THSD4: variants seen among roughly 807,000 people sequenced by gnomAD.
THSD4 encodes thrombospondin type 1 domain containing 4.
THSD4 carries 69 observed loss-of-function variants against 119.0 expected under a neutral mutation model. The ratio of observed to expected loss-of-function variants is 0.58; its 90% confidence interval spans 0.48 to 0.71. THSD4 has a LOEUF of 0.71. Ranked by LOEUF, THSD4 falls within the 30% of genes least tolerant of loss-of-function variation. THSD4 has a pLI of 0.00. For missense variants in THSD4, 1,393 were observed against 1,391.1 expected, an observed-to-expected ratio of 1.00 and a Z score of -0.02; for synonymous variants, 524 against 540.4, an observed-to-expected ratio of 0.97 and a Z score of 0.42.
In THSD4 at chr15:71,696,255, C is replaced by T. The variant is rs988381627; in HGVS notation, c.1358-32294C>T. Among the ~76,000 whole-genome samples the T allele has an allele frequency of 4.5e-4, 69 of 152,154 alleles. 1 individual carries two copies. Among genetic ancestry groups the T allele is most frequent in the African/African-American group, 1.5e-3 (64 of 41,432 alleles). ...TGGTGAGGGCTTTCGTGCTATGTCA[C>T]AACATGGTGGAGAAGATCAGAGGAG... On this transcript the variant is annotated intron_variant, in intron 8 of 17. Transcript: ENST00000261862.
At chr15:71,191,339 C>T (rs1450883547) in intron 3 of THSD4, among the ~76,000 whole-genome samples, 5 of 152,190 alleles carry the variant, frequency 3.3e-5, no homozygotes, top group Admixed American at 1.3e-4. Context: ...TATTTTTCTT[C>T]TGGGCACCAG....
chr15:71,431,818 T>C (rs1437058195), intron 7 of THSD4, among the ~76,000 whole-genome samples: 5 of 152,186 alleles, frequency 3.3e-5, no homozygotes, highest in Non-Finnish European at 7.3e-5. Context: ...GAATGTTATA[T>C]GTGTCATAGC....
chr15:71,543,312 G>T (rs1457415764), intron 7 of THSD4, among the ~76,000 whole-genome samples: 2 of 152,148 alleles, frequency 1.3e-5, no homozygotes, highest in African/African-American at 4.8e-5. Context: ...CATTTTAGAA[G>T]ATCCCAGTGG....
chr15:71,704,055 A>T (rs193151542), intron 8 of THSD4, among the ~76,000 whole-genome samples: 1 of 152,016 alleles, frequency 6.6e-6, no homozygotes, highest in Admixed American at 6.6e-5. Context: ...TCACCATGTT[A>T]GCCAGAATGG....
intron 7 of THSD4, among the ~76,000 whole-genome samples, chr15:71,441,663 C>G (rs28735520): frequency 0.78 from 118,891 of 151,776 alleles, 47,640 homozygotes; most frequent in Non-Finnish European, 0.87. Flanking sequence ...AAAGTGCTGG[C>G]ATTACAGGCG....
intron 8 of THSD4, among the ~76,000 whole-genome samples, chr15:71,707,081 T>C (rs149959106): frequency 6.6e-6 from 1 of 152,004 alleles, no homozygotes; most frequent in Non-Finnish European, 1.5e-5. Context: ...TGAGCTGAGA[T>C]GGGAGGGTGG....
At chr15:71,565,885 GC>G (rs548763554) in intron 7 of THSD4, among the ~76,000 whole-genome samples, 1 of 152,304 alleles carries the variant, frequency 6.6e-6, no homozygotes, top group South Asian at 2.1e-4. Context: ...CTTCTGAGGT[GC>G]TTAGAACAAA....
At chr15:71,429,233 C>G (rs1022247960) in intron 7 of THSD4, among the ~76,000 whole-genome samples, 1 of 152,212 alleles carries the variant, frequency 6.6e-6, no homozygotes, top group Non-Finnish European at 1.5e-5. Flanking sequence ...TTTATATACC[C>G]TTCTCCATAG....
intron 7 of THSD4, among the ~76,000 whole-genome samples, chr15:71,609,769 G>A (rs1450193191): frequency 2.0e-5 from 3 of 149,740 alleles, no homozygotes; most frequent in Non-Finnish European, 3.0e-5. Context: ...GGAGAATGGC[G>A]TGAACCCAGG....
At chr15:71,572,257 A>G (rs2049372018) in intron 7 of THSD4, among the ~76,000 whole-genome samples, 3 of 152,324 alleles carry the variant, frequency 2.0e-5, no homozygotes. Context: ...AATAGTGAGC[A>G]GTTTTCCTGT....
intron 7 of THSD4, among the ~76,000 whole-genome samples, chr15:71,517,521 T>C (rs1208944858): frequency 6.6e-6 from 1 of 152,222 alleles, no homozygotes; most frequent in East Asian, 1.9e-4. Context: ...TGTAAATTCT[T>C]CTTCAAGTAC....
At position 71,660,595 on chromosome 15, in the gene THSD4, A is replaced by G. The variant is rs754746455; in HGVS notation, c.1218A>G (p.Gly406=). 1.2e-6 allele frequency: 2 copies of G among 1,614,130 alleles called. No homozygotes were observed. Among genetic ancestry groups the G allele is most frequent in the Middle Eastern group, 1.6e-4 (1 of 6,062 alleles). ...TGGACAAATGTGGGGTGTGTGGAGG[A>G]GACAACACGGGCTGTCAGGTTGTGT... ...KVVDKCGVCG[G]DNTGCQVVSG... is the part of the protein sequence containing the mutation. Residue 406 remains glycine (G), a synonymous_variant, in exon 8 of 18, where the codon GGA becomes GGG. Transcript: ENST00000261862.
At chr15:71,615,745 G>A (rs915516953) in intron 7 of THSD4, among the ~76,000 whole-genome samples, 8 of 152,282 alleles carry the variant, frequency 5.3e-5, no homozygotes, top group Admixed American at 1.3e-4. Flanking sequence ...AAACAACAGC[G>A]AAAAGAGGCC....
At position 71,303,683 on chromosome 15, in the gene THSD4, C is replaced by A. The variant is rs118091845; in HGVS notation, c.1015+46968C>A. On this transcript the variant is annotated intron_variant, in intron 6 of 17. Coordinates refer to ENST00000261862, the MANE Select transcript of THSD4 (RefSeq NM_024817.3). ...CATTCAGTGCCCTCTCTAGGTGGTA[C>A]CTCCTTATAAACTGGGCCTTATGCT... 7.2e-5 allele frequency among the ~76,000 whole-genome samples: 11 copies of A among 152,192 alleles called. No homozygotes were observed. The East Asian group carries it at 1.9e-3, about 27-fold the overall frequency.
At chr15:71,750,584 A>G (rs1189523882) in intron 14 of THSD4, among the ~76,000 whole-genome samples, 2 of 152,274 alleles carry the variant, frequency 1.3e-5, no homozygotes, top group African/African-American at 2.4e-5. Context: ...CCCACACCTC[A>G]TGGCATATGG....
At chr15:71,160,578 T>G (rs1488113296) in intron 3 of THSD4, among the ~76,000 whole-genome samples, 1 of 152,042 alleles carries the variant, frequency 6.6e-6, no homozygotes, top group African/African-American at 2.4e-5. Context: ...TATCCATTTA[T>G]TCTGTGTTTT....
At chr15:71,552,941 T>G (rs984456801) in intron 7 of THSD4, among the ~76,000 whole-genome samples, 8 of 152,206 alleles carry the variant, frequency 5.3e-5, no homozygotes, top group African/African-American at 1.9e-4. Context: ...CCTAGCAATT[T>G]TTTTACATTA....
chr15:71,526,179 C>T (rs907220604), intron 7 of THSD4, among the ~76,000 whole-genome samples: 1 of 152,080 alleles, frequency 6.6e-6, no homozygotes, highest in East Asian at 1.9e-4. Flanking sequence ...GATTGATTGC[C>T]GGTTTCAAGG....
At chr15:71,140,756 A>G (rs616486) in intron 1 of THSD4, among the ~76,000 whole-genome samples, 46,107 of 151,800 alleles carry the variant, frequency 0.3, 11,225 homozygotes, top group African/African-American at 0.68. Flanking sequence ...ACAATTCAGT[A>G]GTTTTTGGTA....
Sources: allele counts gnomAD v4.1 joint callset (sites outside exome capture counted in the v4.1 genomes callset), GRCh38; gene constraint gnomAD v4.1.1; transcripts MANE v1.5; gene names NCBI Gene and HGNC (gene_info 2026-07-23, HGNC 2026-07-21).